The following MLLT10 variants were observed in gnomAD, a reference collection of about 807,000 sequenced individuals.
The protein encoded by MLLT10 is MLLT10 histone lysine methyltransferase DOT1L cofactor, also known as protein AF-10.
MLLT10 carries 30 observed loss-of-function variants against 129.1 expected under a neutral mutation model. The observed-to-expected ratio is 0.23, with a 90% CI of 0.17 to 0.32. The LOEUF is 0.32. Among genes scored for constraint, MLLT10 ranks in the 10% least tolerant of loss-of-function variants. MLLT10 has a pLI of 1.00. For missense variants in MLLT10, 1,119 were observed against 1,268.3 expected, an observed-to-expected ratio of 0.88 and a Z score of 1.79; for synonymous variants, 490 against 446.4, an observed-to-expected ratio of 1.10 and a Z score of -1.23.
At chr10:21,690,794 A>AAAGC (rs1349232781) in intron 13 of MLLT10, among the ~76,000 whole-genome samples, 1 of 151,936 alleles carries the variant, frequency 6.6e-6, no homozygotes, top group Non-Finnish European at 1.5e-5. Flanking sequence ...TCTAGACATG[A>AAAGC]CTTTTGTATT....
chr10:21,614,887 A>G lies in MLLT10; in HGVS notation c.566A>G (p.Gln189Arg), dbSNP rs370945996. 9 of 1,612,308 alleles carry G rather than the reference A, an allele frequency of 5.6e-6. No individual in the cohort carries two copies. The highest frequency in any genetic ancestry group is 2.5e-6 in the Non-Finnish European group (3 of 1,179,628). ...EEEGNGADNV[Q>R]YCGYCKYHFS... ...GAAGGTAATGGTGCCGATAATGTCC[A>G]ATACTGTGGCTACTGTAAATACCAT... Residue 189 changes from glutamine (Q) to arginine (R), a missense_variant, in exon 7 of 23, where the codon CAA becomes CGA. This residue lies in a region of MLLT10 where 44 missense variants were observed against 114.3 expected (regional missense o/e 0.38). Coordinates refer to ENST00000307729, the MANE Select transcript of MLLT10 (RefSeq NM_001195626.3).
chr10:21,723,564 C>CTA (rs2057281736), intron 14 of MLLT10, among the ~76,000 whole-genome samples: 1 of 152,176 alleles, frequency 6.6e-6, no homozygotes. Context: ...TAGAAGTACA[C>CTA]TTTATAAAGT....
At chr10:21,714,120 A>G (rs564788745) in intron 14 of MLLT10, among the ~76,000 whole-genome samples, 170 bp downstream of exon 14, 50 of 152,352 alleles carry the variant, frequency 3.3e-4, no homozygotes, top group African/African-American at 1.2e-3. Context: ...CATGGTATTC[A>G]TGAGAGAGGA....
chr10:21,578,126 C>G (rs1033432407), intron 3 of MLLT10, among the ~76,000 whole-genome samples: 1 of 152,120 alleles, frequency 6.6e-6, no homozygotes, highest in Admixed American at 6.5e-5. Flanking sequence ...AACTCCTGAC[C>G]TCAGGTGATC....
intron 3 of MLLT10, among the ~76,000 whole-genome samples, chr10:21,569,365 C>T (rs183451039): frequency 1.1e-3 from 169 of 151,888 alleles, no homozygotes; most frequent in South Asian, 4.2e-3. Flanking sequence ...TCAAATGATC[C>T]TCCCACCTCA....
At chr10:21,607,469 C>T (rs560383690) in intron 5 of MLLT10, among the ~76,000 whole-genome samples, 7 of 151,962 alleles carry the variant, frequency 4.6e-5, no homozygotes, top group Admixed American at 3.3e-4. Context: ...TACAGGCATG[C>T]GTCACCACGC....
chr10:21,717,519 ACCTCCTCCT>A (rs1180960349), intron 14 of MLLT10, among the ~76,000 whole-genome samples: 7 of 75,284 alleles, frequency 9.3e-5, no homozygotes, highest in African/African-American at 2.9e-4. Context: ...CTCCTCCACC[ACCTCCTCCT>A]CCTCCTCCTC....
intron 17 of MLLT10, among the ~76,000 whole-genome samples, chr10:21,731,919 G>T (rs1014801594): frequency 1.3e-5 from 2 of 152,224 alleles, no homozygotes; most frequent in Admixed American, 1.3e-4. Context: ...CCATAAATTG[G>T]TATTTTATGA....
chr10:21,655,273 C>A (rs1232709143), intron 9 of MLLT10, among the ~76,000 whole-genome samples: 1 of 152,090 alleles, frequency 6.6e-6, no homozygotes, highest in Non-Finnish European at 1.5e-5. Flanking sequence ...TGAAGACTGA[C>A]AGTAATGTAG....
chr10:21,681,276 A>G, intron 11 of MLLT10, 56 bp from the exon 12 acceptor site: 11 of 1,600,946 alleles, frequency 6.9e-6, no homozygotes, highest in Non-Finnish European at 9.4e-6. Flanking sequence ...CTCTTTTTTT[A>G]CCCTTGAGTC....
intron 5 of MLLT10, among the ~76,000 whole-genome samples, chr10:21,606,413 C>G (rs1442845672): frequency 6.6e-6 from 1 of 152,216 alleles, no homozygotes; most frequent in African/African-American, 2.4e-5. Context: ...GCTATGGCTG[C>G]TATACAGAGG....
At chr10:21,566,765 T>C (rs2131019129) in intron 3 of MLLT10, among the ~76,000 whole-genome samples, 1 of 151,640 alleles carries the variant, frequency 6.6e-6, no homozygotes, top group African/African-American at 2.4e-5. Flanking sequence ...GTTTTGTATC[T>C]TTTTTTTTAG....
intron 11 of MLLT10, among the ~76,000 whole-genome samples, chr10:21,676,720 CAAAAAAAAAAAAAAAAA>C (rs56000691): frequency 1.8e-3 from 58 of 32,010 alleles, no homozygotes; most frequent in South Asian, 0.012. Context: ...GACTCCATCT[CAAAAAAAAAAAAAAAAA>C]AAAAAAAAAA....
At chr10:21,555,675 A>AATTTT (rs1554788897) in intron 3 of MLLT10, among the ~76,000 whole-genome samples, 3 of 132,772 alleles carry the variant, frequency 2.3e-5, no homozygotes, top group Non-Finnish European at 1.6e-5. Flanking sequence ...ATGTAAGACA[A>AATTTT]TTTTTTTTTT....
At chr10:21,681,917 C>T (rs575619777) in intron 12 of MLLT10, among the ~76,000 whole-genome samples, 29 of 152,140 alleles carry the variant, frequency 1.9e-4, no homozygotes, top group African/African-American at 6.7e-4. Context: ...CAAGACATTA[C>T]GTTGACATAA....
intron 17 of MLLT10, 68 bp downstream of exon 17, chr10:21,731,122 C>T: frequency 7.1e-7 from 1 of 1,398,820 alleles, no homozygotes; most frequent in Non-Finnish European, 9.8e-7. Context: ...CAGATGGATG[C>T]AGAAGTCACT....
intron 14 of MLLT10, 89 bp downstream of exon 14, chr10:21,714,039 G>T: frequency 8.9e-7 from 1 of 1,118,138 alleles, no homozygotes; most frequent in Admixed American, 3.0e-5. Flanking sequence ...AATGACATAG[G>T]GCCTTCTATA....
At chr10:21,544,046 G>A in intron 3 of MLLT10, among the ~76,000 whole-genome samples, 1 of 152,146 alleles carries the variant, frequency 6.6e-6, no homozygotes, top group East Asian at 1.9e-4. Flanking sequence ...CACATACTGT[G>A]CTAAATGTTT....
intron 3 of MLLT10, among the ~76,000 whole-genome samples, chr10:21,553,344 GAGA>G (rs1039893729): frequency 4.7e-5 from 3 of 64,312 alleles, no homozygotes; most frequent in African/African-American, 1.8e-4. Context: ...TTTTTTTTTT[GAGA>G]AGGAGTCTCA....
Sources: allele counts gnomAD v4.1 joint callset (sites outside exome capture counted in the v4.1 genomes callset), GRCh38; gene constraint gnomAD v4.1.1; regional missense constraint gnomAD v4.1.1; transcripts MANE v1.5; gene names NCBI Gene and HGNC (gene_info 2026-07-23, HGNC 2026-07-21).